NTM: variants seen among roughly 807,000 people sequenced by gnomAD.
NTM encodes the protein neurotrimin.
In NTM, 13 loss-of-function variants were observed where a neutral mutation model predicts 42.1. That is an observed-to-expected ratio of 0.31 (90% CI 0.20 to 0.49). The LOEUF (loss-of-function observed/expected upper bound fraction) is 0.49, where lower values mean the gene tolerates loss of function less well. Among genes scored for constraint, NTM ranks in the 20% least tolerant of loss-of-function variants. The pLI, the probability that NTM is intolerant of heterozygous loss-of-function variation, is 0.99. For missense variants in NTM, 373 were observed against 452.8 expected, an observed-to-expected ratio of 0.82 and a Z score of 1.60; for synonymous variants, 187 against 179.2, an observed-to-expected ratio of 1.04 and a Z score of -0.35.
At chr11:131,685,911 G>T (rs1271602447) in intron 1 of NTM, among the ~76,000 whole-genome samples, 1 of 152,180 alleles carries the variant, frequency 6.6e-6, no homozygotes, top group East Asian at 1.9e-4. Flanking sequence ...TTCCAGCTCT[G>T]ACATCCCACA....
At chr11:131,821,413 C>G (rs1027424790) in intron 1 of NTM, among the ~76,000 whole-genome samples, 1 of 152,210 alleles carries the variant, frequency 6.6e-6, no homozygotes, top group African/African-American at 2.4e-5. Flanking sequence ...CTGATAGGCA[C>G]TCTGTTTCCA....
chr11:131,659,788 G>A (rs922641153), intron 1 of NTM, among the ~76,000 whole-genome samples: 3 of 152,144 alleles, frequency 2.0e-5, no homozygotes, highest in South Asian at 2.1e-4. Flanking sequence ...CAACAGAATC[G>A]GGGGACACGT....
At chr11:132,127,949 C>A (rs569392855) in intron 2 of NTM, among the ~76,000 whole-genome samples, 1 of 152,226 alleles carries the variant, frequency 6.6e-6, no homozygotes, top group Non-Finnish European at 1.5e-5. Context: ...AGGTGGGATG[C>A]TGGCCTGGGC....
chr11:131,584,843 G>A (rs1341437239), intron 1 of NTM, among the ~76,000 whole-genome samples: 1 of 152,200 alleles, frequency 6.6e-6, no homozygotes, highest in East Asian at 1.9e-4. Flanking sequence ...GATGTCTGAT[G>A]GGACGGAGGC....
intron 2 of NTM, among the ~76,000 whole-genome samples, chr11:132,028,766 G>A (rs753458536): frequency 3.3e-5 from 5 of 152,110 alleles, no homozygotes; most frequent in Admixed American, 2.0e-4. Context: ...TTTCTATTGA[G>A]GGCAGGCCTT....
chr11:131,380,392 C>G (rs779401263), intron 1 of NTM, among the ~76,000 whole-genome samples: 3 of 151,786 alleles, frequency 2.0e-5, no homozygotes, highest in Non-Finnish European at 2.9e-5. Flanking sequence ...TCTATTTTTA[C>G]TAGAGATGGG....
intron 1 of NTM, among the ~76,000 whole-genome samples, chr11:131,440,160 C>T (rs949532940): frequency 2.0e-5 from 3 of 151,436 alleles, no homozygotes; most frequent in Non-Finnish European, 4.4e-5. Flanking sequence ...CAACTTTATC[C>T]TCCTATATTT....
intron 2 of NTM, among the ~76,000 whole-genome samples, chr11:132,072,767 G>T (rs2057865184): frequency 6.6e-6 from 1 of 152,146 alleles, no homozygotes; most frequent in African/African-American, 2.4e-5. Flanking sequence ...CGGGAGAGAG[G>T]CACAGGGGCC....
At chr11:131,759,147 A>T (rs1356750543) in intron 1 of NTM, among the ~76,000 whole-genome samples, 1 of 152,182 alleles carries the variant, frequency 6.6e-6, no homozygotes, top group Non-Finnish European at 1.5e-5. Context: ...TGCCATTATG[A>T]GAAGGTTGAC....
At chr11:131,606,015 A>C (rs2137476332) in intron 1 of NTM, 1 of 369,084 alleles carries the variant, frequency 2.7e-6, no homozygotes, top group Non-Finnish European at 3.7e-6. Flanking sequence ...TGAGGGACCA[A>C]GTTTGTCCAG....
At chr11:131,910,883 C>T (rs1592765049) in intron 1 of NTM, 1 of 985,540 alleles carries the variant, frequency 1.0e-6, no homozygotes, top group Non-Finnish European at 1.2e-6. Flanking sequence ...GATCCCGGGC[C>T]CGGATCGCAC....
chr11:132,199,895 TAA>T (rs1282801993), intron 3 of NTM, among the ~76,000 whole-genome samples: 4 of 151,990 alleles, frequency 2.6e-5, no homozygotes, highest in Non-Finnish European at 5.9e-5. Context: ...AGGAATCTAA[TAA>T]AGACATTCGG....
Position 132,008,273 on chromosome 11 carries a change from C to T in NTM, c.167+96625C>T, listed in dbSNP as rs939995905. 6.6e-5 allele frequency among the ~76,000 whole-genome samples: 10 copies of T among 152,154 alleles called. 1 individual carries two copies. Among genetic ancestry groups the T allele is most frequent in the Admixed American group, 5.9e-4 (9 of 15,282 alleles). ...GGACAAGGTTTGCATTTGTAAAATT[C>T]TATTGTCCTGACTTTAATCTTTCTG... On this transcript the variant is annotated intron_variant, in intron 2 of 8. Transcript: ENST00000683400.
chr11:132,309,280 G>A (rs752217399), intron 5 of NTM, among the ~76,000 whole-genome samples: 3 of 152,188 alleles, frequency 2.0e-5, no homozygotes, highest in East Asian at 1.9e-4. Flanking sequence ...AACCAAGTGC[G>A]TAGGCCTAGC....
At chr11:132,312,038 A>G (rs2095296135) in intron 6 of NTM, among the ~76,000 whole-genome samples, 1 of 152,126 alleles carries the variant, frequency 6.6e-6, no homozygotes. Context: ...TGGTTTAGTC[A>G]GTTTTCCCTT....
At chr11:131,605,967 T>C (rs1256612881) in intron 1 of NTM, 1 of 850,908 alleles carries the variant, frequency 1.2e-6, no homozygotes, top group African/African-American at 1.8e-5. Context: ...ACTATTCTTT[T>C]CTTTTTTCTT....
chr11:132,024,449 G>A lies in NTM; in HGVS notation c.167+112801G>A, dbSNP rs1474531791. On this transcript the variant is annotated intron_variant, in intron 2 of 8. Transcript: ENST00000683400. ...ATGCATATCCTTCTGTATACTTTTA[G>A]TCAACTATAGATTACTTATAATGGC... is the stretch of plus-strand genomic sequence containing the variant. Among the ~76,000 whole-genome samples, 5 of 152,268 alleles carry A rather than the reference G, an allele frequency of 3.3e-5. No homozygotes were observed. In the South Asian group the frequency reaches 1.0e-3, roughly 32 times the overall value.
intron 1 of NTM, chr11:131,671,469 A>C: frequency 1.0e-6 from 1 of 985,396 alleles, no homozygotes. Context: ...CTTGCAGAGA[A>C]TGTGGTTGAA....
chr11:131,592,842 C>T (rs1204532921), intron 1 of NTM, among the ~76,000 whole-genome samples: 5 of 152,218 alleles, frequency 3.3e-5, no homozygotes, highest in Non-Finnish European at 1.5e-5. Flanking sequence ...TGCCTCCCCA[C>T]AATGCTGGGC....
Sources: allele counts gnomAD v4.1 joint callset (sites outside exome capture counted in the v4.1 genomes callset), GRCh38; gene constraint gnomAD v4.1.1; transcripts MANE v1.5; gene names NCBI Gene and HGNC (gene_info 2026-07-23, HGNC 2026-07-21).